ABCA1: variants seen among roughly 807,000 people sequenced by gnomAD.
The protein encoded by ABCA1 is ATP binding cassette subfamily A member 1.
In ABCA1, 133 loss-of-function variants were observed where a neutral mutation model predicts 262.5. The observed-to-expected ratio is 0.51, with a 90% CI of 0.44 to 0.59. The LOEUF is 0.59. Ranked by LOEUF, ABCA1 falls within the 20% of genes least tolerant of loss-of-function variation. The pLI is 0.00. For synonymous variants in ABCA1, 1,022 were observed against 1,043.5 expected (o/e 0.98, Z 0.40); for missense variants, 2,452 against 2,777.5 (o/e 0.88, Z 2.63).
intron 2 of ABCA1, among the ~76,000 whole-genome samples, chr9:104,899,372 C>T (rs1278620137): frequency 6.6e-6 from 1 of 152,108 alleles, no homozygotes; most frequent in African/African-American, 2.4e-5. Flanking sequence ...TTGGATAGTT[C>T]ATTCTTTTTC....
At chr9:104,882,987 G>T in intron 5 of ABCA1, 52 bp downstream of exon 5, 3 of 1,455,196 alleles carry the variant, frequency 2.1e-6, no homozygotes, top group Non-Finnish European at 2.9e-6. Flanking sequence ...CTCTTTCCCT[G>T]GTGCAGGTCA....
At chr9:104,889,007 G>A in intron 3 of ABCA1, 95 bp downstream of exon 3, 1 of 1,097,688 alleles carries the variant, frequency 9.1e-7, no homozygotes, top group Non-Finnish European at 1.4e-6. Flanking sequence ...GTTTCCCAAA[G>A]ACAGCATCTT....
intron 44 of ABCA1, among the ~76,000 whole-genome samples, chr9:104,790,702 C>A (rs1161079203): frequency 6.6e-6 from 1 of 152,012 alleles, no homozygotes; most frequent in Non-Finnish European, 1.5e-5. Flanking sequence ...CTGAATAAAG[C>A]TGTTAAAAGA....
chr9:104,812,346 T>C (rs767152385), intron 28 of ABCA1, among the ~76,000 whole-genome samples: 7 of 152,224 alleles, frequency 4.6e-5, no homozygotes, highest in African/African-American at 7.2e-5. Flanking sequence ...CAACCCTGTA[T>C]TGCAGGTAAT....
At chr9:104,849,262 A>G (rs1367999198) in intron 7 of ABCA1, among the ~76,000 whole-genome samples, 1 of 152,212 alleles carries the variant, frequency 6.6e-6, no homozygotes, top group African/African-American at 2.4e-5. Context: ...GGATGTAAAC[A>G]TAGGTCCTTA....
intron 12 of ABCA1, 126 bp downstream of exon 12, chr9:104,832,448 G>T (rs112073781): frequency 1.7e-5 from 18 of 1,035,300 alleles, no homozygotes; most frequent in Middle Eastern, 2.0e-4. Flanking sequence ...TGTTAGGCTT[G>T]AGGGATAGTT....
intron 2 of ABCA1, among the ~76,000 whole-genome samples, chr9:104,894,455 T>C (rs1840031352): frequency 6.6e-6 from 1 of 152,224 alleles, no homozygotes. Context: ...ATGATGATAA[T>C]AATAATGAAA....
intron 8 of ABCA1, among the ~76,000 whole-genome samples, chr9:104,841,828 A>C (rs1299678274): frequency 6.6e-6 from 1 of 152,266 alleles, no homozygotes; most frequent in Non-Finnish European, 1.5e-5. Context: ...CTTACATGCA[A>C]ATGTATTCCG....
intron 10 of ABCA1, 123 bp downstream of exon 10, chr9:104,837,305 A>C (rs1833909818): frequency 7.2e-7 from 1 of 1,381,462 alleles, no homozygotes; most frequent in African/African-American, 1.4e-5. Context: ...TGAGGTTTTC[A>C]CTCTGGGAAT....
chr9:104,872,815 C>T (rs764144065), intron 5 of ABCA1, among the ~76,000 whole-genome samples: 2 of 152,192 alleles, frequency 1.3e-5, no homozygotes, highest in African/African-American at 2.4e-5. Flanking sequence ...GCAGGAGACA[C>T]GCAACACTGT....
chr9:104,832,535 C>T (rs755784196), intron 12 of ABCA1, 39 bp downstream of exon 12: 199 of 1,607,426 alleles, frequency 1.2e-4, no homozygotes, highest in South Asian at 4.7e-4. Context: ...AGAAAGAAGC[C>T]GTTAAGTCTT....
At position 104,789,149 on chromosome 9, in the gene ABCA1, C is replaced by G. The variant is rs192453946; in HGVS notation, c.5928-582G>C. 3.8e-3 allele frequency among the ~76,000 whole-genome samples: 572 copies of G among 152,340 alleles called. 17 individuals are homozygous for G. The highest frequency in any genetic ancestry group is 0.034 in the Admixed American group (515 of 15,308). On this transcript the variant is annotated intron_variant, in intron 44 of 49. Coordinates refer to ENST00000374736, the MANE Select transcript of ABCA1 (RefSeq NM_005502.4). ...TGCCATGAACTTGGCCTTCTGGCAG[C>G]ATTCATTCCTCTCTGTGTATCTAAT...
chr9:104,793,803 C>T (rs1443769413), intron 40 of ABCA1, among the ~76,000 whole-genome samples: 1 of 151,936 alleles, frequency 6.6e-6, no homozygotes, highest in Non-Finnish European at 1.5e-5. Context: ...CCTTTGTAGC[C>T]CAAGTTGCAA....
intron 37 of ABCA1, among the ~76,000 whole-genome samples, chr9:104,797,123 T>G (rs1564090706): frequency 6.6e-6 from 1 of 152,098 alleles, no homozygotes; most frequent in Admixed American, 6.5e-5. Flanking sequence ...CTAGCAAATT[T>G]CAGGAGCTCT....
At chr9:104,871,712 G>A (rs1183647777) in intron 5 of ABCA1, among the ~76,000 whole-genome samples, 3 of 152,112 alleles carry the variant, frequency 2.0e-5, no homozygotes, top group Non-Finnish European at 4.4e-5. Flanking sequence ...AGGACAGCTG[G>A]AAGACAAAAG....
intron 2 of ABCA1, among the ~76,000 whole-genome samples, chr9:104,898,214 A>G (rs538008769): frequency 3.9e-5 from 6 of 152,144 alleles, no homozygotes; most frequent in Non-Finnish European, 7.3e-5. Flanking sequence ...TCACCAGACA[A>G]TGTGGCCTGA....
chr9:104,861,647 C>G (rs372972325), intron 6 of ABCA1, 32 bp downstream of exon 6: 2 of 1,613,866 alleles, frequency 1.2e-6, no homozygotes, highest in African/African-American at 1.3e-5. Flanking sequence ...TTGCCATCAG[C>G]CCTACTGAGG....
At chr9:104,808,161 A>G (rs932224382) in intron 30 of ABCA1, among the ~76,000 whole-genome samples, 18 of 152,176 alleles carry the variant, frequency 1.2e-4, no homozygotes, top group East Asian at 7.7e-4. Context: ...TTCAGTAAGA[A>G]TTGTAAGGAT....
intron 37 of ABCA1, among the ~76,000 whole-genome samples, chr9:104,797,868 G>A (rs1222080222): frequency 6.6e-6 from 1 of 152,178 alleles, no homozygotes; most frequent in Non-Finnish European, 1.5e-5. Flanking sequence ...GTTACAGGGA[G>A]ATATATTTCA....
Sources: allele counts gnomAD v4.1 joint callset (sites outside exome capture counted in the v4.1 genomes callset), GRCh38; gene constraint gnomAD v4.1.1; transcripts MANE v1.5; gene names NCBI Gene and HGNC (gene_info 2026-07-23, HGNC 2026-07-21).